Variants in NRDE2 observed in about 807,000 individuals in gnomAD.
The protein encoded by NRDE2 is nuclear exosome regulator NRDE2.
NRDE2 carries 76 observed loss-of-function variants against 124.2 expected under a neutral mutation model. The observed-to-expected ratio is 0.61, with a 90% CI of 0.51 to 0.74. The LOEUF (loss-of-function observed/expected upper bound fraction) is 0.74, where lower values mean the gene tolerates loss of function less well. Ranked by LOEUF, NRDE2 falls within the 30% of genes least tolerant of loss-of-function variation. The probability of loss-of-function intolerance (pLI) is 0.00; values close to 1 mark genes in which losing one functional copy is unlikely to be tolerated. For synonymous variants in NRDE2, 489 were observed against 528.1 expected (o/e 0.93, Z 1.01); for missense variants, 1,314 against 1,417.3 (o/e 0.93, Z 1.17).
At chr14:90,288,086 C>A in intron 11 of NRDE2, 131 bp downstream of exon 11, 3 of 788,416 alleles carry the variant, frequency 3.8e-6, no homozygotes, top group South Asian at 1.8e-5. Flanking sequence ...ACACCTACAG[C>A]CCCACGGCAG....
rs1356987015 is a variant in NRDE2, at chr14:90,302,840, T to C, written c.1291A>G (p.Thr431Ala). 3 of 1,614,148 alleles carry C rather than the reference T, an allele frequency of 1.9e-6. No homozygotes were observed. Among genetic ancestry groups the C allele is most frequent in the African/African-American group, 1.3e-5 (1 of 75,042 alleles). Reference protein sequence around the residue: ...YLLFCQSQFSTFSISKIHSLY... With the variant: ...YLLFCQSQFSAFSISKIHSLY... ...CTGTGAATTTTTGATATCGAAAAGG[T>C]ACTAAACTGGCTCTGGCAAAATAAA... Residue 431 changes from threonine (T) to alanine (A), a missense_variant, in exon 6 of 14, where the codon ACC (threonine) becomes GCC (alanine). Physicochemically the swap from Thr to Ala is moderately conservative, Grantham distance 58. Coordinates refer to ENST00000354366, the MANE Select transcript of NRDE2 (RefSeq NM_017970.4).
In NRDE2 at chr14:90,271,113, A is replaced by G. The variant is rs976272166; in HGVS notation, c.*7223T>C. ...TTTTCAAGCCTTCAAAAAAGTTGCA[A>G]CAATAGCACAGTGATTTGCCAAGAG... On this transcript the variant is annotated 3_prime_UTR_variant, in exon 14 of 14. Transcript: ENST00000354366. 4 of 152,254 alleles carry G rather than the reference A, an allele frequency of 2.6e-5. No homozygotes were observed. Among genetic ancestry groups the G allele is most frequent in the Non-Finnish European group, 4.4e-5 (3 of 68,050 alleles). The allele number at this position is 152,254 out of a possible 1,614,324, so 9.4% of individuals were successfully genotyped here. A position where few individuals can be genotyped will look rare whatever the true frequency, so the allele number is the denominator to read the frequency against.
chr14:90,308,828 T>C (rs564566899), intron 4 of NRDE2, among the ~76,000 whole-genome samples: 26 of 152,186 alleles, frequency 1.7e-4, no homozygotes, highest in Admixed American at 7.8e-4. Context: ...GCGTGCCCAA[T>C]TGGTGACCCC....
Position 90,268,508 on chromosome 14 carries a change from GC to G in NRDE2, c.*9827del. On this transcript the variant is annotated 3_prime_UTR_variant, in exon 14 of 14. Transcript: ENST00000354366. ...GCAATCTCAGGGGGCTCTCCCTATG[GC>G]CACAGTTCTTGCTGTGCGTGGCCTT... is the stretch of plus-strand genomic sequence containing the variant. The G allele has an allele frequency of 8.0e-7, 1 of 1,257,740 alleles. No individual in the cohort carries two copies. The highest frequency in any genetic ancestry group is 1.1e-6 in the Non-Finnish European group (1 of 883,512). The allele number at this position is 1,257,740 out of a possible 1,614,324, so 77.9% of individuals were successfully genotyped here.
At chr14:90,308,815 C>G (rs1346166620) in intron 4 of NRDE2, among the ~76,000 whole-genome samples, 1 of 152,166 alleles carries the variant, frequency 6.6e-6, no homozygotes, top group Non-Finnish European at 1.5e-5. Context: ...ACAGATGAAT[C>G]AAGCGTGCCC....
Position 90,288,501 on chromosome 14 carries a change from G to C in NRDE2, c.2874C>G (p.Leu958=). 2 of 1,614,086 alleles carry C rather than the reference G, an allele frequency of 1.2e-6. No individual in the cohort carries two copies. Among genetic ancestry groups the C allele is most frequent in the Non-Finnish European group, 1.7e-6 (2 of 1,180,020 alleles). Residue 958 remains leucine, a synonymous_variant, in exon 11 of 14, where the codon CTC becomes CTG. Coordinates refer to ENST00000354366, the MANE Select transcript of NRDE2 (RefSeq NM_017970.4). ...TCGTGTGCATCAGTGTGATGGCTTC[G>C]AGAACACTGGTCCAACTCTGGGAGC... ...SASSQSWTSV[L]EAITLMHTSL...
At chr14:90,302,591 TA>T in intron 6 of NRDE2, 128 bp downstream of exon 6, 6 of 1,089,268 alleles carry the variant, frequency 5.5e-6, no homozygotes, top group Non-Finnish European at 7.6e-6. Flanking sequence ...AATACTTTTT[TA>T]AAAAAATCAG....
At chr14:90,286,233 T>G in intron 12 of NRDE2, 121 bp downstream of exon 12, 2 of 1,112,126 alleles carry the variant, frequency 1.8e-6, no homozygotes, top group East Asian at 5.3e-5. Context: ...AAGATGAGAG[T>G]GAAATATGGC....
intron 4 of NRDE2, among the ~76,000 whole-genome samples, chr14:90,312,019 G>A (rs907208839): frequency 5.3e-5 from 8 of 152,180 alleles, no homozygotes; most frequent in Non-Finnish European, 1.0e-4. Flanking sequence ...CAGATGTGGG[G>A]AGTGGATAAA....
chr14:90,284,165 G>A (rs1021780171), intron 12 of NRDE2, among the ~76,000 whole-genome samples: 1 of 152,142 alleles, frequency 6.6e-6, no homozygotes, highest in East Asian at 1.9e-4. Flanking sequence ...AGACACACCC[G>A]ATGAATTCTG....
At chr14:90,324,968 C>T (rs890986261) in intron 1 of NRDE2, among the ~76,000 whole-genome samples, 22 of 151,576 alleles carry the variant, frequency 1.5e-4, no homozygotes, top group Admixed American at 1.2e-3. Flanking sequence ...ACGGCGGGGA[C>T]GCTATTTTAG....
At position 90,268,799 on chromosome 14, in the gene NRDE2, T is replaced by C. The variant is rs909360048; in HGVS notation, c.*9537A>G. On this transcript the variant is annotated 3_prime_UTR_variant, in exon 14 of 14. Coordinates refer to ENST00000354366, the MANE Select transcript of NRDE2 (RefSeq NM_017970.4). ...CAGAAACTGCTATGAAAAAATATGA[T>C]CTGTAACTTGGCTGATGGGAGCGTC... 1 of 174,882 alleles carries C rather than the reference T, an allele frequency of 5.7e-6. No homozygotes were observed. The highest frequency in any genetic ancestry group is 2.4e-5 in the African/African-American group (1 of 42,068). The allele number at this position is 174,882 out of a possible 1,614,324, so 10.8% of individuals were successfully genotyped here.
At chr14:90,285,019 C>T (rs924842531) in intron 12 of NRDE2, among the ~76,000 whole-genome samples, 1 of 152,054 alleles carries the variant, frequency 6.6e-6, no homozygotes, top group African/African-American at 2.4e-5. Context: ...TGGCTCACAC[C>T]TGTAATCCCA....
chr14:90,328,269 G>A (rs1885524696), intron 1 of NRDE2, among the ~76,000 whole-genome samples: 1 of 143,650 alleles, frequency 7.0e-6, no homozygotes, highest in Non-Finnish European at 1.5e-5. Context: ...TCTCACCACT[G>A]CACTCCAGCC....
chr14:90,278,560 T>C, intron 13 of NRDE2, 99 bp from the exon 14 acceptor site: 1 of 1,486,532 alleles, frequency 6.7e-7, no homozygotes, highest in Non-Finnish European at 9.2e-7. Context: ...GACCCTGCCC[T>C]CCTGTCGCCC....
chr14:90,296,896 T>TGG (rs1189993004), intron 8 of NRDE2, among the ~76,000 whole-genome samples: 1 of 152,092 alleles, frequency 6.6e-6, no homozygotes, highest in Non-Finnish European at 1.5e-5. Context: ...CCCAGCACTT[T>TGG]GGGAGGTAGA....
intron 4 of NRDE2, among the ~76,000 whole-genome samples, chr14:90,308,485 G>A (rs1884700172): frequency 6.6e-6 from 1 of 151,986 alleles, no homozygotes; most frequent in Non-Finnish European, 1.5e-5. Flanking sequence ...AGCCTCCAAG[G>A]GACAGTCCAT....
chr14:90,282,085 C>T (rs1175880814), intron 12 of NRDE2, among the ~76,000 whole-genome samples: 2 of 152,212 alleles, frequency 1.3e-5, no homozygotes, highest in African/African-American at 2.4e-5. Context: ...AACTAACTGG[C>T]TTATATACTC....
intron 7 of NRDE2, among the ~76,000 whole-genome samples, chr14:90,299,136 C>G (rs1276536639): frequency 6.6e-6 from 1 of 152,068 alleles, no homozygotes; most frequent in Non-Finnish European, 1.5e-5. Context: ...ACCTCCACCT[C>G]CCCGGGCTCA....
Sources: gnomAD v4.1 joint callset for allele counts (sites outside exome capture counted in the v4.1 genomes callset) on GRCh38, gnomAD v4.1.1 for gene constraint, MANE v1.5 for transcripts, NCBI Gene and HGNC (gene_info 2026-07-23, HGNC 2026-07-21) for gene names.